JAK1: variants seen among roughly 807,000 people sequenced by gnomAD.
JAK1 encodes tyrosine-protein kinase JAK1.
JAK1 carries 16 observed loss-of-function variants against 136.6 expected under a neutral mutation model. The ratio of observed to expected loss-of-function variants is 0.12; its 90% CI spans 0.08 to 0.18. JAK1 has a LOEUF of 0.18. Ranked by LOEUF, JAK1 falls within the 10% of genes least tolerant of loss-of-function variation. The pLI is 1.00. For missense variants in JAK1, 859 were observed against 1,450.1 expected, an observed-to-expected ratio of 0.59 and a Z score of 6.62; for synonymous variants, 492 against 519.5, an observed-to-expected ratio of 0.95 and a Z score of 0.72.
At chr1:64,969,323 G>A (rs1383551395), upstream of JAK1, among the ~76,000 whole-genome samples, 2 of 151,890 alleles carry the variant, frequency 1.3e-5, no homozygotes, top group African/African-American at 2.4e-5. Context: ...GGGGTGTCCT[G>A]TGCATTGTAG....
intron 1 of JAK1, among the ~76,000 whole-genome samples, chr1:64,966,118 A>ACCTCCTCGCCGCCCGCCGG: frequency 6.7e-6 from 1 of 150,188 alleles, no homozygotes; most frequent in Non-Finnish European, 1.5e-5. Flanking sequence ...CCGCCCGGCG[A>ACCTCCTCGCCGCCCGCCGG]CCTCCTCGCC....
chr1:64,933,030 GAAC>G (rs1645725706), intron 1 of JAK1, among the ~76,000 whole-genome samples: 1 of 151,184 alleles, frequency 6.6e-6, no homozygotes, highest in African/African-American at 2.4e-5. Flanking sequence ...AAATAGAAAA[GAAC>G]AGTAACAATG....
chr1:64,834,708 T>A, intron 24 of JAK1, 51 bp from the exon 25 acceptor site: 1 of 1,177,924 alleles, frequency 8.5e-7, no homozygotes, highest in African/African-American at 1.5e-5. Flanking sequence ...CTGGGAACTT[T>A]AAAAAATAAC....
At chr1:64,879,267 T>C (rs911870154) in intron 3 of JAK1, 119 bp from the exon 4 acceptor site, 11 of 1,197,172 alleles carry the variant, frequency 9.2e-6, no homozygotes, top group Middle Eastern at 2.3e-4. Flanking sequence ...TCTGGGTCAC[T>C]CATATCCTCT....
intron 1 of JAK1, among the ~76,000 whole-genome samples, chr1:64,921,873 A>G (rs1303615214): frequency 6.6e-6 from 1 of 151,994 alleles, no homozygotes; most frequent in African/African-American, 2.4e-5. Flanking sequence ...AACCAAGAAG[A>G]TAATTCTTGA....
chr1:64,988,996 GTGTGTGTATA>G (rs1646628169), intron 2 of JAK1, among the ~76,000 whole-genome samples: 2 of 98,474 alleles, frequency 2.0e-5, no homozygotes, highest in African/African-American at 7.7e-5. Context: ...GTGTGTGTGT[GTGTGTGTATA>G]TATATATATA....
intron 1 of JAK1, among the ~76,000 whole-genome samples, chr1:64,942,579 A>G (rs1645909720): frequency 6.6e-6 from 1 of 152,248 alleles, no homozygotes; most frequent in African/African-American, 2.4e-5. Flanking sequence ...AATTAAATCA[A>G]GAGTAGTGGT....
intron 1 of JAK1, among the ~76,000 whole-genome samples, chr1:65,045,202 AG>A (rs1187060748): frequency 6.6e-6 from 1 of 152,244 alleles, no homozygotes; most frequent in Non-Finnish European, 1.5e-5. Context: ...ATCAAAGCTG[AG>A]CTCTAATAAC....
At chr1:64,995,206 A>G (rs1646693817) in intron 2 of JAK1, 1 of 152,170 alleles carries the variant, frequency 6.6e-6, no homozygotes, top group South Asian at 2.1e-4. Context: ...TTTGCAACCT[A>G]CTGCCAGGAT....
At chr1:64,843,205 C>T (rs1655018037) in intron 17 of JAK1, among the ~76,000 whole-genome samples, 1 of 152,168 alleles carries the variant, frequency 6.6e-6, no homozygotes, top group East Asian at 1.9e-4. Context: ...CCACTCCAGA[C>T]ACTCAAGGCC....
intron 1 of JAK1, among the ~76,000 whole-genome samples, chr1:64,912,500 A>G (rs1403188379): frequency 6.6e-6 from 1 of 152,224 alleles, no homozygotes; most frequent in Non-Finnish European, 1.5e-5. Context: ...AACGTCTTCT[A>G]AACTAGTCTA....
chr1:64,868,811 T>C (rs985764562), intron 6 of JAK1, among the ~76,000 whole-genome samples: 2 of 152,244 alleles, frequency 1.3e-5, no homozygotes, highest in Non-Finnish European at 1.5e-5. Context: ...TCTCAAACGA[T>C]ATTTTTAAGT....
At chr1:64,955,083 A>C (rs1453788924) in intron 1 of JAK1, among the ~76,000 whole-genome samples, 1 of 152,234 alleles carries the variant, frequency 6.6e-6, no homozygotes, top group Non-Finnish European at 1.5e-5. Context: ...CCTTCAGTAA[A>C]ATGTTTCCAC....
chr1:64,935,656 G>A (rs1359933944), intron 1 of JAK1, among the ~76,000 whole-genome samples: 1 of 152,174 alleles, frequency 6.6e-6, no homozygotes, highest in African/African-American at 2.4e-5. Flanking sequence ...CTCCTACTCA[G>A]ACTGAATGAG....
In JAK1 at chr1:65,041,875, G is replaced by A. The variant is rs188516009; in HGVS notation, c.-78+2605C>T. ...CCAACATGGTAAAACCCCGTCTCTA[G>A]CAAAAATACAAAAAATTAGCCAGGC... On this transcript the variant is annotated intron_variant, in intron 2 of 25. Transcript: ENST00000671954. Among the ~76,000 whole-genome samples, 13 of 152,012 alleles carry A rather than the reference G, an allele frequency of 8.6e-5. No homozygotes were observed. In the East Asian group the frequency reaches 1.6e-3, roughly 18 times the overall value.
At chr1:64,947,132 T>G (rs968955375) in intron 1 of JAK1, among the ~76,000 whole-genome samples, 1 of 152,198 alleles carries the variant, frequency 6.6e-6, no homozygotes, top group Non-Finnish European at 1.5e-5. Flanking sequence ...TTCTGGAGAT[T>G]AGATGTAAAA....
upstream of JAK1, among the ~76,000 whole-genome samples, chr1:64,967,740 A>G (rs1646410151): frequency 6.6e-6 from 1 of 152,206 alleles, no homozygotes; most frequent in African/African-American, 2.4e-5. Context: ...GCCCTAAACA[A>G]TTCTTAGTTG....
chr1:64,883,134 G>T, intron 3 of JAK1, 143 bp downstream of exon 3: 1 of 594,644 alleles, frequency 1.7e-6, no homozygotes, highest in Non-Finnish European at 2.9e-6. Context: ...CGTGCAAGTG[G>T]CAGTGGCAGA....
chr1:64,855,429 C>A, intron 11 of JAK1, 80 bp downstream of exon 11: 1 of 1,340,004 alleles, frequency 7.5e-7, no homozygotes, highest in Non-Finnish European at 1.0e-6. Context: ...TTGTTTAAGT[C>A]AGTCAGCGTG....
Sources: gnomAD v4.1 joint callset for allele counts (sites outside exome capture counted in the v4.1 genomes callset) on GRCh38, gnomAD v4.1.1 for gene constraint, MANE v1.5 for transcripts, NCBI Gene and HGNC (gene_info 2026-07-23, HGNC 2026-07-21) for gene names.